Variants in PDE1C observed in about 807,000 individuals in gnomAD.
PDE1C encodes dual specificity calcium/calmodulin-dependent 3',5'-cyclic nucleotide phosphodiesterase 1C.
PDE1C carries 62 observed loss-of-function variants against 93.1 expected under a neutral mutation model. The observed-to-expected ratio is 0.67, with a 90% confidence interval of 0.54 to 0.82. The LOEUF (loss-of-function observed/expected upper bound fraction) is 0.82, where lower values mean the gene tolerates loss of function less well. Ranked by LOEUF, PDE1C falls within the 40% of genes least tolerant of loss-of-function variation. PDE1C has a pLI of 0.00. For synonymous variants in PDE1C, 325 were observed against 310.1 expected (o/e 1.05, Z -0.50); for missense variants, 742 against 884.6 (o/e 0.84, Z 2.04).
chr7:31,802,542 T>A (rs1786201226), intron 16 of PDE1C, among the ~76,000 whole-genome samples: 1 of 151,718 alleles, frequency 6.6e-6, no homozygotes, highest in Non-Finnish European at 1.5e-5. Context: ...AGATCTATAT[T>A]TTCATACGGC....
chr7:32,115,974 G>C (rs1798965833), intron 3 of PDE1C, among the ~76,000 whole-genome samples: 1 of 152,116 alleles, frequency 6.6e-6, no homozygotes, highest in Non-Finnish European at 1.5e-5. Flanking sequence ...GGAAAAAATG[G>C]CATGGGTGAA....
chr7:31,939,143 T>C (rs1805481134), intron 2 of PDE1C, among the ~76,000 whole-genome samples: 1 of 152,184 alleles, frequency 6.6e-6, no homozygotes, highest in Admixed American at 6.5e-5. Context: ...CTAATTTGTA[T>C]TTTTTCAAGT....
intron 3 of PDE1C, among the ~76,000 whole-genome samples, chr7:32,158,689 C>T (rs1801724006): frequency 6.6e-6 from 1 of 152,316 alleles, no homozygotes; most frequent in Non-Finnish European, 1.5e-5. Flanking sequence ...AGGAAACCTT[C>T]ATTTCGATGC....
At chr7:31,999,839 T>C (rs555535960) in intron 2 of PDE1C, among the ~76,000 whole-genome samples, 39 of 152,312 alleles carry the variant, frequency 2.6e-4, no homozygotes, top group Admixed American at 5.2e-4. Flanking sequence ...AGCAATTATT[T>C]ACTGAGTTCA....
intron 2 of PDE1C, among the ~76,000 whole-genome samples, chr7:32,194,254 A>G (rs1162792588): frequency 1.3e-5 from 2 of 152,156 alleles, no homozygotes; most frequent in Admixed American, 1.3e-4. Flanking sequence ...TAAGTCATCA[A>G]ATATATCTGT....
chr7:31,937,792 A>G (rs1805297061), intron 2 of PDE1C, among the ~76,000 whole-genome samples: 1 of 152,222 alleles, frequency 6.6e-6, no homozygotes, highest in Admixed American at 6.5e-5. Flanking sequence ...CTCACCATTA[A>G]GAAACTCACA....
chr7:31,750,792 C>T (rs147072958), downstream of PDE1C, among the ~76,000 whole-genome samples: 968 of 152,240 alleles, frequency 6.4e-3, 11 homozygotes, highest in African/African-American at 0.022. Flanking sequence ...AATGCAGCGG[C>T]GTGATCTCGG....
chr7:32,270,865 T>A (rs1810910073), intron 1 of PDE1C, among the ~76,000 whole-genome samples: 1 of 152,052 alleles, frequency 6.6e-6, no homozygotes, highest in African/African-American at 2.4e-5. Context: ...GCACAGTGGC[T>A]CACGCCTGTA....
chr7:31,716,353 T>C, the PDE1C span, among the ~76,000 whole-genome samples: 2 of 152,158 alleles, frequency 1.3e-5, no homozygotes, highest in African/African-American at 4.8e-5. Context: ...AGTTCTCAAA[T>C]TGCACAGTTC....
chr7:31,891,119 C>G (rs984027700), intron 2 of PDE1C, among the ~76,000 whole-genome samples: 14 of 152,160 alleles, frequency 9.2e-5, no homozygotes, highest in Admixed American at 7.2e-4. Context: ...TCTAAGTTCA[C>G]CATGGGTTTC....
rs145533218 is a variant in PDE1C at position 32,123,953 on chromosome 7, A to G, written c.308+45832T>C. Reference sequence around the variant, plus strand: ...GATGACGTGATTCTATATTTAGAAAACCCCACCATCGCAGCCCAAAAACTC... The same window carrying G: ...GATGACGTGATTCTATATTTAGAAAGCCCCACCATCGCAGCCCAAAAACTC... On this transcript the variant is annotated intron_variant, in intron 3 of 18. Coordinates refer to the PDE1C transcript ENST00000396193. 9.6e-3 allele frequency among the ~76,000 whole-genome samples: 1,457 copies of G among 152,284 alleles called. 33 individuals are homozygous for G. The highest frequency in any genetic ancestry group is 0.033 in the African/African-American group (1,382 of 41,544).
intron 1 of PDE1C, among the ~76,000 whole-genome samples, chr7:32,379,011 T>G (rs1784483479): frequency 1.3e-5 from 2 of 152,216 alleles, no homozygotes; most frequent in African/African-American, 4.8e-5. Flanking sequence ...AGGCTCCCCA[T>G]TGCTCTTATT....
At chr7:32,202,917 T>C (rs1805122940) in intron 2 of PDE1C, among the ~76,000 whole-genome samples, 1 of 152,120 alleles carries the variant, frequency 6.6e-6, no homozygotes, top group Non-Finnish European at 1.5e-5. Flanking sequence ...AGGGATTATG[T>C]TGTACAGCAG....
At chr7:31,692,534 G>A in the PDE1C span, 1 of 1,580,060 alleles carries the variant, frequency 6.3e-7, no homozygotes. Flanking sequence ...GTAAACAAAT[G>A]ATCGATTGTG....
At chr7:31,858,461 G>GA (rs1419220821) in intron 7 of PDE1C, among the ~76,000 whole-genome samples, 9 of 151,958 alleles carry the variant, frequency 5.9e-5, no homozygotes, top group African/African-American at 7.2e-5. Context: ...TACGGGAAGT[G>GA]AAAAAAAGCA....
At chr7:32,298,468 C>A (rs963472656) in intron 1 of PDE1C, among the ~76,000 whole-genome samples, 8 of 152,110 alleles carry the variant, frequency 5.3e-5, no homozygotes, top group African/African-American at 1.9e-4. Flanking sequence ...CCGGGGGGGA[C>A]AGCCCAGGGT....
Position 31,863,438 on chromosome 7 carries a change from T to A in PDE1C, c.750+1504A>T, listed in dbSNP as rs192079613. Among the ~76,000 whole-genome samples, 4 of 152,244 alleles carry A rather than the reference T, an allele frequency of 2.6e-5. No homozygotes were observed. In the South Asian group the frequency reaches 6.2e-4, roughly 24 times the overall value. On this transcript the variant is annotated intron_variant, in intron 7 of 17. Transcript: ENST00000396191. ...CTTGAGGCTGAGACTTCCAGAAAAA[T>A]GCCAAGTAGGAATATTAATGTGGGT...
At chr7:32,048,346 C>T (rs1792877923) in intron 2 of PDE1C, among the ~76,000 whole-genome samples, 1 of 152,028 alleles carries the variant, frequency 6.6e-6, no homozygotes, top group South Asian at 2.1e-4. Flanking sequence ...ACTTCTGGAC[C>T]CAGGCCATAA....
chr7:31,664,309 T>G, the PDE1C span, among the ~76,000 whole-genome samples: 9 of 148,754 alleles, frequency 6.1e-5, no homozygotes, highest in Non-Finnish European at 1.3e-4. Context: ...CCAGTTGAGA[T>G]TTAATATTGC....
Sources: allele counts gnomAD v4.1 joint callset (sites outside exome capture counted in the v4.1 genomes callset), GRCh38; gene constraint gnomAD v4.1.1; transcripts MANE v1.5; gene names NCBI Gene and HGNC (gene_info 2026-07-23, HGNC 2026-07-21).